The following SHKBP1 variants were observed in gnomAD, a reference collection of about 807,000 sequenced individuals.
The protein encoded by SHKBP1 is SH3KBP1 binding protein 1, also known as SH3KBP1-binding protein 1.
Under a neutral mutation model 83.9 loss-of-function variants are expected in SHKBP1, and 71 were observed. That is an observed-to-expected ratio of 0.85 (90% CI 0.70 to 1.03). SHKBP1 has a LOEUF of 1.03. SHKBP1 is among the 50% of genes least tolerant of loss of function. The probability of loss-of-function intolerance (pLI) is 0.00; values close to 1 mark genes in which losing one functional copy is unlikely to be tolerated. For missense variants in SHKBP1, 824 were observed against 982.4 expected (o/e 0.84, Z 2.16); for synonymous variants, 371 against 398.0 (o/e 0.93, Z 0.81).
chr19:40,579,278 G>A (rs540634620), intron 6 of SHKBP1, among the ~76,000 whole-genome samples: 3 of 151,812 alleles, frequency 2.0e-5, no homozygotes, highest in South Asian at 2.1e-4. Flanking sequence ...CACCATGCCC[G>A]GCTAATTAAA....
chr19:40,590,796 C>T lies in SHKBP1; in HGVS notation c.1835C>T (p.Pro612Leu), dbSNP rs750319269. The change falls in exon 17 of 18, where the codon CCT becomes CTT. Residue 612 changes from proline (P) to leucine (L), a missense_variant. Physicochemically the swap from Pro to Leu is moderately conservative, Grantham distance 98. Around this residue, in one of 3 missense-constraint regions of SHKBP1, gnomAD observed 287 missense variants for 322.9 expected, o/e 0.89. Coordinates refer to ENST00000291842, the MANE Select transcript of SHKBP1 (RefSeq NM_138392.4). The surrounding 1 kb of genome is among the most constrained non-coding windows in gnomAD (Gnocchi z 4.6). ...LEHCELAPPA[P>L]SAPSWGCLPS... ...CACTGTGAGCTGGCCCCGCCGGCTC[C>T]TTCAGCTCCCTCATGGGGCTGTCTC... The T allele has an allele frequency of 1.9e-6, 3 of 1,601,984 alleles. No homozygotes were observed. Among genetic ancestry groups the T allele is most frequent in the East Asian group, 2.3e-5 (1 of 44,424 alleles).
At chr19:40,585,260 C>G (rs1028966307) in intron 12 of SHKBP1, among the ~76,000 whole-genome samples, 2 of 152,072 alleles carry the variant, frequency 1.3e-5, no homozygotes, top group Admixed American at 6.6e-5. Context: ...CATGCATCAC[C>G]ACACCTGTCT....
Position 40,590,546 on chromosome 19 carries a change from CCT to C in SHKBP1, c.1768+129_1768+130del. 3.1e-6 allele frequency: 4 copies of C among 1,281,024 alleles called. No individual in the cohort carries two copies. The East Asian group carries it at 9.6e-5, about 31-fold the overall frequency. 79.4% of individuals were successfully genotyped at this position (1,281,024 alleles called of 1,614,324 possible). On this transcript the variant is annotated intron_variant, in intron 16 of 17. Transcript: ENST00000291842. The surrounding 1 kb of genome is among the most constrained non-coding windows in gnomAD (Gnocchi z 4.6). ...CCTCTGACCCCTTTTCCTTTGACCCCCTCTCTGCTCCCCATCCCTTCCTGCCC... is the reference window on the plus strand; with the variant it reads ...CCTCTGACCCCTTTTCCTTTGACCCCCTCTGCTCCCCATCCCTTCCTGCCC...
Position 40,588,950 on chromosome 19 carries a change from C to A in SHKBP1, c.1493-132C>A. On this transcript the variant is annotated intron_variant, in intron 14 of 17. Transcript: ENST00000291842. ...GACTGCCACAACCCCCCAGCCCTCT[C>A]TGGCCCTGCCCAACTCTAACAACCT... The A allele has an allele frequency of 3.2e-6, 4 of 1,266,086 alleles. No homozygotes were observed. The South Asian group carries it at 5.3e-5, about 17-fold the overall frequency. The allele number at this position is 1,266,086 out of a possible 1,614,324, so 78.4% of individuals were successfully genotyped here.
In SHKBP1 at chr19:40,577,822, A is replaced by G. The variant is rs1817698170; in HGVS notation, c.260+192A>G. On this transcript the variant is annotated intron_variant, in intron 4 of 17. Transcript: ENST00000291842. ...TTTGGGAGGCCGAGGTGGGAGGATC[A>G]CTTGAGCCCAGGATTTGGAGACTAG... 7.1e-6 allele frequency: 5 copies of G among 701,490 alleles called. No individual in the cohort carries two copies. The South Asian group carries it at 8.7e-5, about 12-fold the overall frequency. The allele number at this position is 701,490 out of a possible 1,614,324, so 43.5% of individuals were successfully genotyped here.
At position 40,589,092 on chromosome 19, in the gene SHKBP1, T is replaced by G; in HGVS notation, c.1503T>G (p.Gly501=). 1 of 1,612,426 alleles carries G rather than the reference T, an allele frequency of 6.2e-7. No homozygotes were observed. Among genetic ancestry groups the G allele is most frequent in the African/African-American group, 1.3e-5 (1 of 74,982 alleles). ...CSAGNDIGPY[G]ERDDQQVFIQ... ...CCCTGCCTGGCCCAGGCCCCTACGG[T>G]GAGCGGGACGACCAGCAAGTGTTCA... The change falls in exon 15 of 18, where the codon GGT becomes GGG. Residue 501 remains glycine (G), a synonymous_variant. Coordinates refer to ENST00000291842, the MANE Select transcript of SHKBP1 (RefSeq NM_138392.4).
rs773513018 is a variant in SHKBP1 at position 40,580,665 on chromosome 19, G to T, written c.653+9G>T. 3 of 1,614,154 alleles carry T rather than the reference G, an allele frequency of 1.9e-6. No individual in the cohort carries two copies. Among genetic ancestry groups the T allele is most frequent in the Non-Finnish European group, 2.5e-6 (3 of 1,180,028 alleles). ...TTTCTAGTCTGCTACAGGTGCTTGGGGAGGGAGTGGCAGGAGGTCCCAGCC... is the reference window on the plus strand; with the variant it reads ...TTTCTAGTCTGCTACAGGTGCTTGGTGAGGGAGTGGCAGGAGGTCCCAGCC... On this transcript the variant is annotated intron_variant, in intron 8 of 17. Coordinates refer to ENST00000291842, the MANE Select transcript of SHKBP1 (RefSeq NM_138392.4).
chr19:40,585,792 C>G (rs998236844), intron 12 of SHKBP1: 1 of 152,138 alleles, frequency 6.6e-6, no homozygotes, highest in African/African-American at 2.4e-5. Context: ...CTCCTCTCGT[C>G]GTCTCCCAAA....
intron 9 of SHKBP1, 95 bp downstream of exon 9, chr19:40,581,031 T>C (rs2081265896): frequency 2.5e-6 from 3 of 1,196,700 alleles, no homozygotes; most frequent in Non-Finnish European, 3.4e-6. Context: ...CCCATAAGAA[T>C]TCTCTGCTCT....
Position 40,590,358 on chromosome 19 carries a change from G to A in SHKBP1, c.1704G>A (p.Gln568=). ...SRPRRYLLTG[Q]ANGSLAMWDL... ...CCCGGCGCTACCTGCTCACTGGCCA[G>A]GCCAACGGCAGCTTGGCCATGTGGG... is the stretch of plus-strand genomic sequence containing the variant. The change falls in exon 16 of 18, where the codon CAG becomes CAA. Residue 568 remains glutamine, a synonymous_variant. Transcript: ENST00000291842. This position sits in a 1 kb window ranked among gnomAD's most constrained non-coding sequence, Gnocchi z 4.6. The A allele has an allele frequency of 6.2e-7, 1 of 1,612,250 alleles. No homozygotes were observed. The highest frequency in any genetic ancestry group is 8.5e-7 in the Non-Finnish European group (1 of 1,179,476).
rs2081350089 is a variant in SHKBP1 at position 40,590,543 on chromosome 19, C to A, written c.1768+121C>A. ...TGCCCTCTGACCCCTTTTCCTTTGA[C>A]CCCCTCTCTGCTCCCCATCCCTTCC... On this transcript the variant is annotated intron_variant, in intron 16 of 17. Coordinates refer to ENST00000291842, the MANE Select transcript of SHKBP1 (RefSeq NM_138392.4). The surrounding 1 kb of genome is among the most constrained non-coding windows in gnomAD (Gnocchi z 4.6). 4.6e-6 allele frequency: 6 copies of A among 1,304,388 alleles called. No homozygotes were observed. In the South Asian group the frequency reaches 5.6e-5, roughly 12 times the overall value. 80.8% of individuals were successfully genotyped at this position (1,304,388 alleles called of 1,614,324 possible). A position where few individuals can be genotyped will look rare whatever the true frequency, so the allele number is the denominator to read the frequency against.
intron 12 of SHKBP1, among the ~76,000 whole-genome samples, chr19:40,584,400 A>G (rs982495400): frequency 6.6e-6 from 1 of 152,212 alleles, no homozygotes; most frequent in African/African-American, 2.4e-5. Flanking sequence ...TTTTCTTGAC[A>G]TCAAATGCAG....
Position 40,576,915 on chromosome 19 carries a change from A to G in SHKBP1, c.16A>G (p.Thr6Ala), listed in dbSNP as rs762925932. 3 of 1,466,292 alleles carry G rather than the reference A, an allele frequency of 2.0e-6. No homozygotes were observed. The highest frequency in any genetic ancestry group is 1.4e-5 in the African/African-American group (1 of 69,654). The allele number at this position is 1,466,292 out of a possible 1,614,324, so 90.8% of individuals were successfully genotyped here. ...CCCGGGGGCCATGGCAGCAGCGGCTACTGCAGCCGAGGGGGTCCCCAGTCG... is the reference window on the plus strand; with the variant it reads ...CCCGGGGGCCATGGCAGCAGCGGCTGCTGCAGCCGAGGGGGTCCCCAGTCG... MAAAATAAEGVPSRGP... is the reference protein window; with the variant it reads MAAAAAAAEGVPSRGP... Residue 6 changes from threonine (T) to alanine (A), a missense_variant, in exon 1 of 18, where the codon ACT becomes GCT. Around this residue, in one of 3 missense-constraint regions of SHKBP1, gnomAD observed 355 missense variants for 386.4 expected, o/e 0.92. Transcript: ENST00000291842.
intron 9 of SHKBP1, among the ~76,000 whole-genome samples, chr19:40,581,373 G>A (rs58633563): frequency 0.16 from 24,458 of 151,832 alleles, 2,315 homozygotes; most frequent in East Asian, 0.25. Flanking sequence ...AAATTAGCTG[G>A]GTGTGGTGGC....
At position 40,578,459 on chromosome 19, in the gene SHKBP1, C is replaced by T. The variant is rs1284853382; in HGVS notation, c.320-3C>T. 3 of 1,614,130 alleles carry T rather than the reference C, an allele frequency of 1.9e-6. No homozygotes were observed. Among genetic ancestry groups the T allele is most frequent in the Admixed American group, 1.7e-5 (1 of 60,022 alleles). On this transcript the variant is annotated splice_polypyrimidine_tract_variant and splice_region_variant and intron_variant, in intron 5 of 17. Transcript: ENST00000291842. ...TCCCAGCCTTTAAGTCCTCCTGTTG[C>T]AGTTCGTCGCCTGCAGCTTCGAGAG...
Position 40,583,423 on chromosome 19 carries a change from G to C in SHKBP1, c.986G>C (p.Ser329Thr). The change falls in exon 11 of 18, where the codon AGT (serine) becomes ACT (threonine). Residue 329 changes from serine (S) to threonine (T), a missense_variant. Ser to Thr is a moderately conservative substitution (Grantham distance 58). Around this residue, in one of 3 missense-constraint regions of SHKBP1, gnomAD observed 182 missense variants for 273.1 expected, o/e 0.67. Coordinates refer to ENST00000291842, the MANE Select transcript of SHKBP1 (RefSeq NM_138392.4). ...GTCCAGGAGGTGCAGCCCATCACCA[G>C]TTATGACGCGGCAGGCTCCTTCCTC... ...WQVQEVQPIT[S>T]YDAAGSFLLL... 6.3e-7 allele frequency: 1 copy of C among 1,597,706 alleles called. No individual in the cohort carries two copies. The highest frequency in any genetic ancestry group is 8.5e-7 in the Non-Finnish European group (1 of 1,172,108).
Position 40,591,232 on chromosome 19 carries a change from G to A in SHKBP1, c.*25G>A. 1 of 1,545,842 alleles carries A rather than the reference G, an allele frequency of 6.5e-7. No homozygotes were observed. The highest frequency in any genetic ancestry group is 8.8e-7 in the Non-Finnish European group (1 of 1,136,342). The stretch of plus-strand genomic sequence containing the variant: ...AACAACGCAGCTGCCATGATGCCTT[G>A]GGATGCCCTGGTCCTGGGGGACTCA... On this transcript the variant is annotated 3_prime_UTR_variant, in exon 18 of 18. Coordinates refer to ENST00000291842, the MANE Select transcript of SHKBP1 (RefSeq NM_138392.4).
In SHKBP1 at chr19:40,577,862, C is replaced by T. The variant is rs78033177; in HGVS notation, c.260+232C>T. On this transcript the variant is annotated intron_variant, in intron 4 of 17. Coordinates refer to ENST00000291842, the MANE Select transcript of SHKBP1 (RefSeq NM_138392.4). ...TTGGAGACTAGCCTGGGCAACATAG[C>T]GAGACCCCTTCTCTAAAAAAGCAAA... 1,150 of 609,640 alleles carry T rather than the reference C, an allele frequency of 1.9e-3. 13 individuals are homozygous for T. In the African/African-American group the frequency reaches 0.019, roughly 10 times the overall value. The allele number at this position is 609,640 out of a possible 1,614,324, so 37.8% of individuals were successfully genotyped here. A position where few individuals can be genotyped will look rare whatever the true frequency, so the allele number is the denominator to read the frequency against.
intron 14 of SHKBP1, 31 bp downstream of exon 14, chr19:40,588,810 A>G (rs1348443433): frequency 1.2e-6 from 2 of 1,607,544 alleles, no homozygotes; most frequent in East Asian, 4.5e-5. Flanking sequence ...TTCCCACCCC[A>G]CTGACCCCCT....
Sources: allele counts gnomAD v4.1 joint callset (sites outside exome capture counted in the v4.1 genomes callset), GRCh38; gene constraint gnomAD v4.1.1; regional missense constraint gnomAD v4.1.1; non-coding constraint Gnocchi (gnomAD v3.1); transcripts MANE v1.5; gene names NCBI Gene and HGNC (gene_info 2026-07-23, HGNC 2026-07-21).